Variants in ZNF444 observed in about 807,000 individuals in gnomAD.
The protein encoded by ZNF444 is endothelial zinc finger protein 2.
A neutral mutation model predicts 14.4 loss-of-function variants in ZNF444; 8 were observed. The observed-to-expected ratio is 0.56, with a 90% CI of 0.33 to 1.00. The LOEUF is 1.00. Ranked by LOEUF, ZNF444 falls within the 50% of genes least tolerant of loss-of-function variation. The pLI is 0.03. For synonymous variants in ZNF444, 258 were observed against 235.9 expected, an observed-to-expected ratio of 1.09 and a Z score of -0.86; for missense variants, 510 against 504.8, an observed-to-expected ratio of 1.01 and a Z score of -0.10.
chr19:56,160,156 G>C lies in ZNF444; in HGVS notation c.939G>C (p.Pro313=). The change falls in exon 5 of 5, where the codon CCG becomes CCC. Residue 313 remains proline (P), a synonymous_variant. Coordinates refer to ENST00000337080, the MANE Select transcript of ZNF444 (RefSeq NM_018337.4). ...CCAGCGCGCAGGGGGCGGTAGCTCC[G>C]GGCCCGGATGGTGGAGGCCCCTTCC... ...AAASAQGAVA[P]GPDGGGPFPP... is the part of the protein sequence containing the mutation. 1.4e-6 allele frequency: 2 copies of C among 1,480,746 alleles called. No individual in the cohort carries two copies. The highest frequency in any genetic ancestry group is 2.6e-5 in the South Asian group (2 of 77,668). The allele number at this position is 1,480,746 out of a possible 1,614,324, so 91.7% of individuals were successfully genotyped here. A position where few individuals can be genotyped will look rare whatever the true frequency, so the allele number is the denominator to read the frequency against.
intron 1 of ZNF444, among the ~76,000 whole-genome samples, chr19:56,143,171 A>C (rs2030943186): frequency 6.6e-6 from 1 of 152,134 alleles, no homozygotes; most frequent in South Asian, 2.1e-4. Context: ...GACATGGTGG[A>C]AGGCCCTTAC....
In ZNF444 at chr19:56,160,053, C is replaced by A; in HGVS notation, c.836C>A (p.Ala279Asp). ...ACGCACTCGGGAGCGCGGCCCTTTG[C>A]CTGCTGGGAGTGTGGCAAGGGCTTC... ...RKTHSGARPF[A>D]CWECGKGFGR... The change falls in exon 5 of 5, where the codon GCC (alanine) becomes GAC (aspartate). Residue 279 changes from alanine (A) to aspartate (D), a missense_variant. By Grantham distance (126) the Ala-to-Asp change is moderately radical. Coordinates refer to ENST00000337080, the MANE Select transcript of ZNF444 (RefSeq NM_018337.4). 6.6e-7 allele frequency: 1 copy of A among 1,506,540 alleles called. No individual in the cohort carries two copies. Among genetic ancestry groups the A allele is most frequent in the Non-Finnish European group, 8.8e-7 (1 of 1,132,908 alleles). The allele number at this position is 1,506,540 out of a possible 1,614,324, so 93.3% of individuals were successfully genotyped here.
In ZNF444 at chr19:56,145,145, C is replaced by T. The variant is rs1294642731; in HGVS notation, c.-196-1102C>T. On this transcript the variant is annotated intron_variant, in intron 1 of 4. Coordinates refer to ENST00000337080, the MANE Select transcript of ZNF444 (RefSeq NM_018337.4). The surrounding 1 kb of genome is among the most constrained non-coding windows in gnomAD (Gnocchi z 4.3). ...CACCAGCTCAGAGACCACCATTTCT[C>T]AAATGCTTTGAAGTCAGGACTCCTT... Among the ~76,000 whole-genome samples, 1 of 152,242 alleles carries T rather than the reference C, an allele frequency of 6.6e-6. No homozygotes were observed. Among genetic ancestry groups the T allele is most frequent in the African/African-American group, 2.4e-5 (1 of 41,464 alleles).
intron 1 of ZNF444, among the ~76,000 whole-genome samples, chr19:56,135,463 T>A (rs1270322657): frequency 6.6e-6 from 1 of 151,954 alleles, no homozygotes; most frequent in South Asian, 2.1e-4. Context: ...TGGTTAAAAT[T>A]CAGCTGCCAA....
Position 56,147,354 on chromosome 19 carries a change from G to A in ZNF444, c.297+146G>A, listed in dbSNP as rs563935176. On this transcript the variant is annotated intron_variant, in intron 3 of 4. Transcript: ENST00000337080. This position sits in a 1 kb window ranked among gnomAD's most constrained non-coding sequence, Gnocchi z 5.9. ...GCTGCGGTACAGGCTGCGGTACAGCGTGGAGGGACAGTCCACGTGCGGCAC... is the reference window on the plus strand; with the variant it reads ...GCTGCGGTACAGGCTGCGGTACAGCATGGAGGGACAGTCCACGTGCGGCAC... 2.2e-4 allele frequency: 214 copies of A among 955,494 alleles called. 1 individual carries two copies. The Middle Eastern group carries it at 2.8e-3, about 12-fold the overall frequency. 59.2% of individuals were successfully genotyped at this position (955,494 alleles called of 1,614,324 possible).
chr19:56,153,763 C>G (rs2031730093), intron 3 of ZNF444, among the ~76,000 whole-genome samples: 1 of 152,156 alleles, frequency 6.6e-6, no homozygotes, highest in African/African-American at 2.4e-5. Context: ...CAGCCAGTAC[C>G]TGGTTAGCTT....
At chr19:56,158,794 C>T (rs1423418468) in intron 4 of ZNF444, among the ~76,000 whole-genome samples, 192 bp downstream of exon 4, 1 of 151,992 alleles carries the variant, frequency 6.6e-6, no homozygotes, top group Non-Finnish European at 1.5e-5. Flanking sequence ...GTTCATCCAT[C>T]CATCTATCCA....
rs1437015667 is a variant in ZNF444 at position 56,147,191 on chromosome 19, C to T, written c.280C>T (p.Leu94=). ...QPQSGEEAVA[L]LEELWGPAAS... is the part of the protein sequence containing the mutation. ...GCAGAGCGGGGAGGAGGCGGTGGCC[C>T]TGCTGGAGGAGCTCTGGGTGAGCCT... The change falls in exon 3 of 5, where the codon CTG becomes TTG. Residue 94 remains leucine, a synonymous_variant. Coordinates refer to ENST00000337080, the MANE Select transcript of ZNF444 (RefSeq NM_018337.4). The surrounding 1 kb of genome is among the most constrained non-coding windows in gnomAD (Gnocchi z 5.9). 8.9e-6 allele frequency: 13 copies of T among 1,455,042 alleles called. No individual in the cohort carries two copies. The highest frequency in any genetic ancestry group is 1.4e-5 in the South Asian group (1 of 72,150). 90.1% of individuals were successfully genotyped at this position (1,455,042 alleles called of 1,614,324 possible). A position where few individuals can be genotyped will look rare whatever the true frequency, so the allele number is the denominator to read the frequency against.
At chr19:56,151,819 G>A (rs2031595036) in intron 3 of ZNF444, 1 of 429,566 alleles carries the variant, frequency 2.3e-6, no homozygotes, top group Non-Finnish European at 4.7e-6. Context: ...GCTGTGGATT[G>A]GGGTTTCTTG....
chr19:56,160,329 C>G lies in ZNF444; in HGVS notation c.*128C>G. On this transcript the variant is annotated 3_prime_UTR_variant, in exon 5 of 5. Coordinates refer to ENST00000337080, the MANE Select transcript of ZNF444 (RefSeq NM_018337.4). The stretch of plus-strand genomic sequence containing the variant: ...ATCGTCCTCCTCCACCTGCGCCTCC[C>G]TTGTCTGAACTTCCCAACGCCTTCC... 1 of 704,742 alleles carries G rather than the reference C, an allele frequency of 1.4e-6. No homozygotes were observed. The highest frequency in any genetic ancestry group is 2.1e-6 in the Non-Finnish European group (1 of 467,200). The allele number at this position is 704,742 out of a possible 1,614,324, so 43.7% of individuals were successfully genotyped here. A position where few individuals can be genotyped will look rare whatever the true frequency, so the allele number is the denominator to read the frequency against.
In ZNF444 at chr19:56,158,560, G is replaced by A. The variant is rs199899267; in HGVS notation, c.364G>A (p.Gly122Arg). 3.1e-6 allele frequency: 5 copies of A among 1,612,006 alleles called. No homozygotes were observed. In the East Asian group the frequency reaches 1.1e-4, roughly 36 times the overall value. ...RVPQDVTQGPGATGGKEDSGM... is the reference protein window; with the variant it reads ...RVPQDVTQGPRATGGKEDSGM... ...GCCTCAGGATGTGACGCAGGGCCCT[G>A]GGGCCACAGGTGGAAAGGAGGACAG... Residue 122 changes from glycine (G) to arginine (R), a missense_variant, in exon 4 of 5, where the codon GGG (glycine) becomes AGG (arginine). By Grantham distance (125) the Gly-to-Arg change is moderately radical. Coordinates refer to ENST00000337080, the MANE Select transcript of ZNF444 (RefSeq NM_018337.4).
chr19:56,137,246 G>A (rs1316265160), upstream of ZNF444, among the ~76,000 whole-genome samples: 2 of 151,132 alleles, frequency 1.3e-5, no homozygotes, highest in South Asian at 2.1e-4. Flanking sequence ...CGAGGCGGGC[G>A]GATTACCTGA....
upstream of ZNF444, among the ~76,000 whole-genome samples, chr19:56,140,686 A>C (rs1009907709): frequency 6.8e-6 from 1 of 147,842 alleles, no homozygotes; most frequent in Non-Finnish European, 1.5e-5. Flanking sequence ...GAGGGAGGAC[A>C]AAAAAAAATG....
chr19:56,151,966 G>C (rs930275050), intron 3 of ZNF444: 5 of 455,828 alleles, frequency 1.1e-5, no homozygotes, highest in South Asian at 7.8e-5. Context: ...ATTGCCGGAT[G>C]AGAAGGAGAG....
At chr19:56,140,985 C>T (rs2030757360), upstream of ZNF444, 1 of 152,196 alleles carries the variant, frequency 6.6e-6, no homozygotes, top group Non-Finnish European at 1.5e-5. Context: ...AAGCCTGTCG[C>T]GCTCAGACAG....
intron 4 of ZNF444, among the ~76,000 whole-genome samples, chr19:56,158,975 A>G (rs2032083263): frequency 1.3e-5 from 2 of 151,206 alleles, no homozygotes. Flanking sequence ...ATCATCACCC[A>G]TCTATCCATG....
chr19:56,149,363 A>C (rs1370830564), intron 3 of ZNF444, among the ~76,000 whole-genome samples: 34 of 57,524 alleles, frequency 5.9e-4, no homozygotes, highest in South Asian at 1.4e-3. Flanking sequence ...ATCCCCCATC[A>C]CTCCTCTGAC....
At position 56,145,867 on chromosome 19, in the gene ZNF444, G is replaced by A. The variant is rs1210763405; in HGVS notation, c.-196-380G>A. On this transcript the variant is annotated intron_variant, in intron 1 of 4. Transcript: ENST00000337080. The surrounding 1 kb of genome is among the most constrained non-coding windows in gnomAD (Gnocchi z 4.3). The stretch of plus-strand genomic sequence containing the variant: ...CCATCATGGTCAGTTCCTGGTGAGG[G>A]CCTCTGCCAGGCTGCAGGTGGCCTC... 6.6e-6 allele frequency among the ~76,000 whole-genome samples: 1 copy of A among 152,182 alleles called. No individual in the cohort carries two copies. The highest frequency in any genetic ancestry group is 1.9e-4 in the East Asian group (1 of 5,186).
upstream of ZNF444, among the ~76,000 whole-genome samples, chr19:56,136,924 GGA>G (rs1197799925): frequency 3.9e-5 from 6 of 152,042 alleles, no homozygotes; most frequent in Admixed American, 2.6e-4. Context: ...GGGATTACAG[GGA>G]TGCACCACTA....
Sources: gnomAD v4.1 joint callset for allele counts (sites outside exome capture counted in the v4.1 genomes callset) on GRCh38, gnomAD v4.1.1 for gene constraint, Gnocchi (gnomAD v3.1) non-coding constraint, MANE v1.5 for transcripts, NCBI Gene and HGNC (gene_info 2026-07-23, HGNC 2026-07-21) for gene names.